AZI2: variants seen among roughly 807,000 people sequenced by gnomAD.
AZI2 encodes the protein 5-azacytidine-induced protein 2.
In AZI2, 22 loss-of-function variants were observed where a neutral mutation model predicts 45.8. The ratio of observed to expected loss-of-function variants is 0.48; its 90% CI spans 0.34 to 0.69. The LOEUF (loss-of-function observed/expected upper bound fraction) is 0.69. Among genes scored for constraint, AZI2 ranks in the 30% least tolerant of loss-of-function variants. The pLI, the probability that AZI2 is intolerant of heterozygous loss-of-function variation, is 0.01. For synonymous variants in AZI2, 137 were observed against 156.7 expected (o/e 0.87, Z 0.94); for missense variants, 417 against 441.5 (o/e 0.94, Z 0.50).
rs867163439 is a variant in AZI2, at chr3:28,331,908, C to A, written c.647+461G>T. Reference sequence around the variant, plus strand: ...GAACAGTCCTCAAAATTCATGCTATCCCATGATTGCGCCACTGCACTCCAG... The same window carrying A: ...GAACAGTCCTCAAAATTCATGCTATACCATGATTGCGCCACTGCACTCCAG... On this transcript the variant is annotated intron_variant, in intron 6 of 7. Coordinates refer to ENST00000479665, the MANE Select transcript of AZI2 (RefSeq NM_022461.5). 3.0e-5 allele frequency: 47 copies of A among 1,547,950 alleles called. No homozygotes were observed. In the Middle Eastern group the frequency reaches 5.0e-3, roughly 165 times the overall value.
intron 5 of AZI2, 116 bp from the exon 6 acceptor site, chr3:28,332,543 A>C: frequency 2.8e-6 from 2 of 722,794 alleles, no homozygotes; most frequent in Non-Finnish European, 4.5e-6. Flanking sequence ...CTGTAAGTGC[A>C]AAGAATACAA....
Position 28,323,274 on chromosome 3 carries a change from T to C in AZI2, c.*768A>G, listed in dbSNP as rs1254705303. On this transcript the variant is annotated 3_prime_UTR_variant, in exon 8 of 8. Transcript: ENST00000479665. ...AGGGCAGATTAGACTGAAATCTGTG[T>C]GATGCTCCTTCTACTACTTATTGAA... is the stretch of plus-strand genomic sequence containing the variant. 6.6e-6 allele frequency: 1 copy of C among 151,270 alleles called. No individual in the cohort carries two copies. The highest frequency in any genetic ancestry group is 1.9e-4 in the East Asian group (1 of 5,148). The allele number at this position is 151,270 out of a possible 1,614,324, so 9.4% of individuals were successfully genotyped here.
chr3:28,332,229 T>G (rs1030893420), intron 6 of AZI2, 140 bp downstream of exon 6: 55 of 682,470 alleles, frequency 8.1e-5, no homozygotes, highest in Middle Eastern at 3.7e-4. Context: ...AAATTTATTG[T>G]GATCAGAGGT....
intron 2 of AZI2, among the ~76,000 whole-genome samples, chr3:28,338,977 AC>A (rs1703906876): frequency 6.6e-6 from 1 of 151,444 alleles, no homozygotes; most frequent in African/African-American, 2.4e-5. Context: ...CTTAGGGCAT[AC>A]TTGACTTTTT....
At chr3:28,340,272 G>C (rs952830045) in intron 2 of AZI2, 130 bp downstream of exon 2, 5 of 646,406 alleles carry the variant, frequency 7.7e-6, no homozygotes, top group Non-Finnish European at 1.3e-5. Context: ...AGAGTTTTCA[G>C]ATTAGCAGTG....
intron 7 of AZI2, chr3:28,326,583 T>A: frequency 2.3e-6 from 1 of 432,804 alleles, no homozygotes. Flanking sequence ...TAAGCAACAC[T>A]TGGCTGAGAA....
At chr3:28,339,971 G>A (rs1158470593) in intron 2 of AZI2, among the ~76,000 whole-genome samples, 1 of 152,012 alleles carries the variant, frequency 6.6e-6, no homozygotes, top group Non-Finnish European at 1.5e-5. Flanking sequence ...ATGTGTTAAA[G>A]AAGAGAAAGA....
At chr3:28,346,444 A>G (rs918488828) in intron 1 of AZI2, among the ~76,000 whole-genome samples, 1 of 152,120 alleles carries the variant, frequency 6.6e-6, no homozygotes, top group Non-Finnish European at 1.5e-5. Flanking sequence ...TGGTACACAC[A>G]TTATCTCAAG....
intron 5 of AZI2, among the ~76,000 whole-genome samples, chr3:28,332,863 A>G (rs1336357110): frequency 6.6e-6 from 1 of 151,820 alleles, no homozygotes; most frequent in Non-Finnish European, 1.5e-5. Context: ...AACACACCAG[A>G]ATTTTAACAG....
chr3:28,340,470 T>G lies in AZI2; in HGVS notation c.148A>C (p.Lys50Gln), dbSNP rs1020338837. Residue 50 changes from lysine (K) to glutamine (Q), a missense_variant, in exon 2 of 8, where the codon AAA (lysine) becomes CAA (glutamine). Lys to Gln is a moderately conservative substitution (Grantham distance 53). Transcript: ENST00000479665. The stretch of plus-strand genomic sequence containing the variant: ...TCTTTCTCTGAATCCTTAAGTCGTT[T>G]TTTGATGTCTTCATATGCAGTGACA... ...ALVTAYEDIK[K>Q]RLKDSEKENS... is the part of the protein sequence containing the mutation. 1 of 1,612,870 alleles carries G rather than the reference T, an allele frequency of 6.2e-7. No individual in the cohort carries two copies. The highest frequency in any genetic ancestry group is 8.5e-7 in the Non-Finnish European group (1 of 1,179,284).
rs3762797 is a variant in AZI2, at chr3:28,340,396, A to T, written c.216+6T>A. The T allele has an allele frequency of 0.26, 389,660 of 1,525,628 alleles. 53,084 individuals are homozygous for T. Among genetic ancestry groups the T allele is most frequent in the Middle Eastern group, 0.29 (1,379 of 4,796 alleles). The allele number at this position is 1,525,628 out of a possible 1,614,324, so 94.5% of individuals were successfully genotyped here. A position where few individuals can be genotyped will look rare whatever the true frequency, so the allele number is the denominator to read the frequency against. On this transcript the variant is annotated splice_donor_region_variant and intron_variant, in intron 2 of 7. Coordinates refer to ENST00000479665, the MANE Select transcript of AZI2 (RefSeq NM_022461.5). ...AAACGCAATGAAGGTAAAAGATAAAAATTACCTTTTCTTCCAAAAATCTTA... is the reference window on the plus strand; with the variant it reads ...AAACGCAATGAAGGTAAAAGATAAATATTACCTTTTCTTCCAAAAATCTTA...
chr3:28,344,727 T>C, intron 1 of AZI2, among the ~76,000 whole-genome samples: 1 of 152,094 alleles, frequency 6.6e-6, no homozygotes, highest in East Asian at 1.9e-4. Context: ...CTTAACATTA[T>C]ACTGAGTCTT....
chr3:28,339,896 C>G (rs973304536), intron 2 of AZI2, among the ~76,000 whole-genome samples: 1 of 151,964 alleles, frequency 6.6e-6, no homozygotes, highest in Admixed American at 6.6e-5. Flanking sequence ...AGATGTGTCA[C>G]AATTATACAT....
Position 28,341,088 on chromosome 3 carries a change from A to T in AZI2, c.-5-466T>A, listed in dbSNP as rs140526277. On this transcript the variant is annotated intron_variant, in intron 1 of 7. Coordinates refer to ENST00000479665, the MANE Select transcript of AZI2 (RefSeq NM_022461.5). ...TTTGAGTATAATTCATTACAACAAC[A>T]TATTAATATTATATTATAGAAGTCT... Among the ~76,000 whole-genome samples the T allele has an allele frequency of 1.6e-3, 246 of 152,162 alleles. 3 individuals are homozygous for T. The highest frequency in any genetic ancestry group is 5.6e-3 in the African/African-American group (231 of 41,562).
At chr3:28,342,324 A>T (rs1008596065) in intron 1 of AZI2, among the ~76,000 whole-genome samples, 1 of 152,002 alleles carries the variant, frequency 6.6e-6, no homozygotes, top group African/African-American at 2.4e-5. Flanking sequence ...ACATCAATTT[A>T]ACATTTTCTA....
chr3:28,323,459 A>G lies in AZI2; in HGVS notation c.*583T>C, dbSNP rs1215288053. 1.3e-5 allele frequency: 2 copies of G among 151,086 alleles called. No homozygotes were observed. The highest frequency in any genetic ancestry group is 4.9e-5 in the African/African-American group (2 of 41,230). 9.4% of individuals were successfully genotyped at this position (151,086 alleles called of 1,614,324 possible). A position where few individuals can be genotyped will look rare whatever the true frequency, so the allele number is the denominator to read the frequency against. On this transcript the variant is annotated 3_prime_UTR_variant, in exon 8 of 8. Coordinates refer to ENST00000479665, the MANE Select transcript of AZI2 (RefSeq NM_022461.5). Reference sequence around the variant, plus strand: ...GTCTTAGAATTCAAACTTCAATTCTAAAAAAATTTTATCAACAAAACACTG... The same window carrying G: ...GTCTTAGAATTCAAACTTCAATTCTGAAAAAATTTTATCAACAAAACACTG...
intron 1 of AZI2, chr3:28,348,251 C>T (rs575559574): frequency 6.6e-6 from 1 of 152,198 alleles, no homozygotes; most frequent in Admixed American, 6.5e-5. Flanking sequence ...TCTTTTCTTT[C>T]CGATAATTTG....
In AZI2 at chr3:28,340,467, G is replaced by A. The variant is rs1703968575; in HGVS notation, c.151C>T (p.Arg51Ter). Reference protein sequence around the residue: ...LVTAYEDIKKRLKDSEKENSL... With the variant: ...LVTAYEDIKK ...TTCTCTTTCTCTGAATCCTTAAGTC[G>A]TTTTTTGATGTCTTCATATGCAGTG... The change falls in exon 2 of 8, where the codon CGA becomes TGA. Residue 51 changes from arginine (R) to a stop codon, truncating the protein, a stop_gained. Coordinates refer to ENST00000479665, the MANE Select transcript of AZI2 (RefSeq NM_022461.5). LOFTEE classifies it high-confidence loss of function. 4.3e-6 allele frequency: 7 copies of A among 1,612,396 alleles called. No homozygotes were observed. The highest frequency in any genetic ancestry group is 2.2e-5 in the East Asian group (1 of 44,730).
chr3:28,346,994 C>A (rs1704264001), intron 1 of AZI2, among the ~76,000 whole-genome samples: 2 of 152,162 alleles, frequency 1.3e-5, no homozygotes, highest in Admixed American at 6.5e-5. Flanking sequence ...GTTTGTATTG[C>A]ACAGATCAAG....
Sources: gnomAD v4.1 joint callset for allele counts (sites outside exome capture counted in the v4.1 genomes callset) on GRCh38, gnomAD v4.1.1 for gene constraint, MANE v1.5 for transcripts, NCBI Gene and HGNC (gene_info 2026-07-23, HGNC 2026-07-21) for gene names.